TBL1X: variants seen among roughly 807,000 people sequenced by gnomAD.
TBL1X encodes F-box-like/WD repeat-containing protein TBL1X.
In TBL1X, 10 loss-of-function variants were observed where a neutral mutation model predicts 50.7. The ratio of observed to expected loss-of-function variants is 0.20; its 90% CI spans 0.12 to 0.33. The LOEUF is 0.33. Ranked by LOEUF, TBL1X falls within the 10% of genes least tolerant of loss-of-function variation. TBL1X has a pLI of 1.00. For missense variants in TBL1X, 340 were observed against 504.4 expected (o/e 0.67, Z 3.12); for synonymous variants, 190 against 214.7 (o/e 0.88, Z 1.01).
chrX:9,588,880 G>A (rs998979304), intron 2 of TBL1X, among the ~76,000 whole-genome samples: 2 of 111,208 alleles, frequency 1.8e-5, no homozygotes, highest in East Asian at 5.7e-4. Flanking sequence ...TGGGATTACA[G>A]GTGTGAGCCA....
chrX:9,480,037 G>A (rs762533526), intron 1 of TBL1X, among the ~76,000 whole-genome samples: 6 of 108,279 alleles, frequency 5.5e-5, no homozygotes, highest in African/African-American at 1.7e-4. Flanking sequence ...CGCAACCTCC[G>A]CCTCCCGGGT....
chrX:9,602,025 C>T (rs374319806), intron 2 of TBL1X, among the ~76,000 whole-genome samples: 13 of 112,170 alleles, frequency 1.2e-4, no homozygotes, highest in African/African-American at 3.6e-4. Flanking sequence ...GCCTGGGCAA[C>T]AGGTCGAGAC....
chrX:9,668,305 A>G (rs746096643), intron 5 of TBL1X, among the ~76,000 whole-genome samples: 2 of 109,887 alleles, frequency 1.8e-5, no homozygotes, highest in South Asian at 8.0e-4. Flanking sequence ...ATATTCAGCT[A>G]TAGGACTCTG....
chrX:9,531,171 G>A (rs1040020228), intron 2 of TBL1X: 1 of 110,871 alleles, frequency 9.0e-6, no homozygotes, highest in African/African-American at 3.3e-5. Flanking sequence ...TAAATTCCCT[G>A]CATTCCCTAA....
chrX:9,518,501 A>G, intron 2 of TBL1X, among the ~76,000 whole-genome samples: 1 of 112,374 alleles, frequency 8.9e-6, no homozygotes, highest in Non-Finnish European at 1.9e-5. Flanking sequence ...TTAAAGTGCC[A>G]ATAGTCCTGG....
chrX:9,524,877 A>G (rs1428691742), intron 2 of TBL1X, among the ~76,000 whole-genome samples: 1 of 111,718 alleles, frequency 9.0e-6, no homozygotes, highest in Non-Finnish European at 1.9e-5. Flanking sequence ...TCAGTCTATC[A>G]AGTAGCTTGG....
chrX:9,597,285 C>T (rs137869116), intron 2 of TBL1X, among the ~76,000 whole-genome samples: 32 of 111,735 alleles, frequency 2.9e-4, no homozygotes, highest in African/African-American at 8.8e-4. Context: ...TTGAGCCATG[C>T]GGAGAACGGG....
chrX:9,489,826 G>A (rs778443221), intron 1 of TBL1X, among the ~76,000 whole-genome samples: 1 of 111,774 alleles, frequency 8.9e-6, no homozygotes, highest in East Asian at 2.8e-4. Context: ...GGATGGAAGA[G>A]TTAGCATTGC....
intron 5 of TBL1X, among the ~76,000 whole-genome samples, chrX:9,675,631 G>A (rs2146620794): frequency 8.9e-6 from 1 of 111,829 alleles, no homozygotes; most frequent in Admixed American, 9.4e-5. Flanking sequence ...CGCCCAGCAA[G>A]TAATCCCAGC....
At chrX:9,683,947 G>A (rs751697807) in intron 5 of TBL1X, 96 bp from the exon 6 acceptor site, 91 of 1,150,907 alleles carry the variant, frequency 7.9e-5, no homozygotes, top group Non-Finnish European at 8.3e-6. Context: ...AATTAAGTGT[G>A]TTTGAAGTCT....
At chrX:9,506,199 C>A (rs1186851975) in intron 2 of TBL1X, among the ~76,000 whole-genome samples, 1 of 111,917 alleles carries the variant, frequency 8.9e-6, no homozygotes, top group African/African-American at 3.2e-5. Flanking sequence ...TCCTGGATGA[C>A]TCCTGGGTAA....
intron 2 of TBL1X, among the ~76,000 whole-genome samples, chrX:9,568,994 C>CTG (rs1229444442): frequency 9.8e-6 from 1 of 102,315 alleles, no homozygotes; most frequent in Admixed American, 1.0e-4. Context: ...GTGCGGTGTG[C>CTG]TGTGTGTGTG....
chrX:9,465,047 C>T (rs1379469728), upstream of TBL1X: 1 of 109,118 alleles, frequency 9.2e-6, no homozygotes, highest in Non-Finnish European at 1.9e-5. Context: ...GTCCTCCTGG[C>T]TGGGGTCCGC....
intron 1 of TBL1X, among the ~76,000 whole-genome samples, chrX:9,478,128 T>A (rs1395628323): frequency 9.0e-6 from 1 of 111,699 alleles, no homozygotes; most frequent in Non-Finnish European, 1.9e-5. Context: ...AATGTGAAAC[T>A]CTGTAGGAAG....
At chrX:9,599,143 C>T (rs752173372) in intron 2 of TBL1X, among the ~76,000 whole-genome samples, 6 of 109,845 alleles carry the variant, frequency 5.5e-5, no homozygotes, top group South Asian at 3.9e-4. Context: ...GGGGTTTCAC[C>T]GTGTTGGCCA....
Position 9,716,346 on chromosome X carries a change from G to A in TBL1X, c.*100G>A, listed in dbSNP as rs1312876525. The A allele has an allele frequency of 1.3e-5, 12 of 909,508 alleles. No homozygotes were observed. The African/African-American group carries it at 1.4e-4, about 10-fold the overall frequency. The allele number at this position is 909,508 out of a possible 1,213,427, so 75.0% of individuals were successfully genotyped here. On this transcript the variant is annotated 3_prime_UTR_variant, in exon 18 of 18. Transcript: ENST00000645353. The stretch of plus-strand genomic sequence containing the variant: ...CCAAAACTGTAGGAACTTGACTTGC[G>A]TTAGAGTGTACTCTGAAACCAACTC...
intron 2 of TBL1X, among the ~76,000 whole-genome samples, chrX:9,544,310 T>TG (rs1457209218): frequency 9.0e-6 from 1 of 111,392 alleles, no homozygotes; most frequent in Non-Finnish European, 1.9e-5. Context: ...CTGGAGATTC[T>TG]GGCTGTTTTC....
chrX:9,620,990 G>A (rs2082664035), intron 2 of TBL1X, among the ~76,000 whole-genome samples: 1 of 112,147 alleles, frequency 8.9e-6, no homozygotes, highest in Non-Finnish European at 1.9e-5. Context: ...TGTCCTGCCA[G>A]GGGAGTGAAG....
intron 2 of TBL1X, among the ~76,000 whole-genome samples, chrX:9,540,657 T>G (rs1253202171): frequency 8.9e-6 from 1 of 112,576 alleles, no homozygotes; most frequent in Non-Finnish European, 1.9e-5. Flanking sequence ...TGTTTTATAT[T>G]AACAATTAAC....
Sources: allele counts gnomAD v4.1 joint callset (sites outside exome capture counted in the v4.1 genomes callset), GRCh38; gene constraint gnomAD v4.1.1; transcripts MANE v1.5; gene names NCBI Gene and HGNC (gene_info 2026-07-23, HGNC 2026-07-21).